The following ZNF83 variants were observed in gnomAD, a reference collection of about 807,000 sequenced individuals.
The protein encoded by ZNF83 is zinc finger protein 816B.
For synonymous variants in ZNF83, 209 were observed against 213.0 expected (o/e 0.98, Z 0.17); for missense variants, 552 against 629.9 (o/e 0.88, Z 1.32).
intron 1 of ZNF83, among the ~76,000 whole-genome samples, chr19:52,676,104 CT>C (rs987334492): frequency 4.9e-4 from 74 of 152,278 alleles, no homozygotes; most frequent in African/African-American, 1.7e-3. Context: ...CCTCAGCCTG[CT>C]GAGTGCCTGC....
chr19:52,687,941 C>T (rs2062075160), intron 1 of ZNF83, among the ~76,000 whole-genome samples: 1 of 151,944 alleles, frequency 6.6e-6, no homozygotes. Context: ...TAACTTCCAA[C>T]TCAATAAGTC....
chr19:52,653,843 C>A (rs4287691), intron 3 of ZNF83, among the ~76,000 whole-genome samples: 40,501 of 152,160 alleles, frequency 0.27, 5,649 homozygotes, highest in Middle Eastern at 0.35. Flanking sequence ...GAATGGGTTA[C>A]ATGATGTCTT....
chr19:52,630,652 C>G (rs954649072), intron 2 of ZNF83, among the ~76,000 whole-genome samples: 8 of 152,074 alleles, frequency 5.3e-5, no homozygotes, highest in Admixed American at 2.6e-4. Context: ...CGTATCCCCC[C>G]ACCTTAACCC....
At chr19:52,680,819 A>T (rs1017880345) in intron 1 of ZNF83, among the ~76,000 whole-genome samples, 1 of 149,744 alleles carries the variant, frequency 6.7e-6, no homozygotes, top group African/African-American at 2.5e-5. Flanking sequence ...TCACCGTGTT[A>T]GCCAGGATGG....
intron 2 of ZNF83, among the ~76,000 whole-genome samples, chr19:52,625,176 C>G (rs1455431435): frequency 6.6e-6 from 1 of 152,120 alleles, no homozygotes; most frequent in East Asian, 1.9e-4. Flanking sequence ...TACCACTCTG[C>G]CCCACTCCCA....
At chr19:52,614,392 C>G (rs566790486) in exon 3 of ZNF83, 1 of 1,613,158 alleles carries the variant, frequency 6.2e-7, no homozygotes, top group South Asian at 1.1e-5. Context: ...AGAAGAAATA[C>G]GTTGGGGTGG....
chr19:52,636,415 A>C (rs627792), intron 1 of ZNF83: 2 of 151,920 alleles, frequency 1.3e-5, no homozygotes, highest in Admixed American at 1.3e-4. Flanking sequence ...AAAAGGGAAC[A>C]GAGTGACTCA....
At chr19:52,678,874 C>T (rs906468872) in intron 1 of ZNF83, among the ~76,000 whole-genome samples, 1 of 151,606 alleles carries the variant, frequency 6.6e-6, no homozygotes, top group African/African-American at 2.4e-5. Flanking sequence ...ACTCAGGAGG[C>T]TGAGGCAGGA....
intron 1 of ZNF83, among the ~76,000 whole-genome samples, chr19:52,637,971 C>G (rs891378498): frequency 1.3e-5 from 2 of 152,154 alleles, no homozygotes; most frequent in African/African-American, 4.8e-5. Flanking sequence ...CAGTGGCCTA[C>G]GAAGGCGAGG....
intron 1 of ZNF83, among the ~76,000 whole-genome samples, chr19:52,687,616 G>GTATATATATA (rs1427281800): frequency 1.3e-4 from 2 of 15,824 alleles, no homozygotes; most frequent in African/African-American, 4.6e-4. Flanking sequence ...TATATAATGT[G>GTATATATATA]TATATATATA....
chr19:52,665,339 G>C (rs1251254662), intron 1 of ZNF83, among the ~76,000 whole-genome samples: 1 of 151,922 alleles, frequency 6.6e-6, no homozygotes, highest in Non-Finnish European at 1.5e-5. Flanking sequence ...TAGCTGAGCT[G>C]GGAAGTCCAG....
chr19:52,677,502 A>ATGAACACT (rs1568580378), intron 1 of ZNF83, among the ~76,000 whole-genome samples: 2 of 151,704 alleles, frequency 1.3e-5, no homozygotes, highest in African/African-American at 4.9e-5. Flanking sequence ...AAAAAAAGAA[A>ATGAACACT]AAGAGATCCA....
intron 1 of ZNF83, among the ~76,000 whole-genome samples, chr19:52,670,124 C>T (rs2061704351): frequency 6.6e-6 from 1 of 151,860 alleles, no homozygotes; most frequent in Non-Finnish European, 1.5e-5. Context: ...ACCTGCTCCA[C>T]CTTGACTCAT....
At chr19:52,642,261 CTTTTTTTTTTTTTTT>C (rs869173970), upstream of ZNF83, among the ~76,000 whole-genome samples, 312 of 47,884 alleles carry the variant, frequency 6.5e-3, 2 homozygotes, top group African/African-American at 0.028. Context: ...AGTATTGTAG[CTTTTTTTTTTTTTTT>C]TTTTTTTTTT....
chr19:52,619,490 G>A (rs915949959), intron 2 of ZNF83, among the ~76,000 whole-genome samples: 1 of 152,122 alleles, frequency 6.6e-6, no homozygotes, highest in Non-Finnish European at 1.5e-5. Flanking sequence ...GCTGGATGTG[G>A]TGGTAGATGC....
intron 1 of ZNF83, among the ~76,000 whole-genome samples, chr19:52,686,511 AAAAG>A (rs1223838464): frequency 1.3e-5 from 2 of 151,180 alleles, no homozygotes; most frequent in Admixed American, 6.6e-5. Context: ...AAGAAAAAAA[AAAAG>A]AAATCTATTA....
chr19:52,662,201 G>T (rs1301740885), intron 1 of ZNF83, among the ~76,000 whole-genome samples: 1 of 152,134 alleles, frequency 6.6e-6, no homozygotes, highest in Non-Finnish European at 1.5e-5. Context: ...ACAAATAATG[G>T]AATTCATTTC....
intron 1 of ZNF83, among the ~76,000 whole-genome samples, chr19:52,664,547 G>A (rs1055473073): frequency 1.3e-5 from 2 of 152,076 alleles, no homozygotes; most frequent in African/African-American, 2.4e-5. Flanking sequence ...CTAGGGGCAG[G>A]GAATCTAAGG....
At chr19:52,641,240 CCA>C (rs1382096750), upstream of ZNF83, among the ~76,000 whole-genome samples, 1 of 152,134 alleles carries the variant, frequency 6.6e-6, no homozygotes, top group Non-Finnish European at 1.5e-5. Flanking sequence ...CACTCATGGT[CCA>C]CAGAGTCCTA....
Sources: gnomAD v4.1 joint callset for allele counts (sites outside exome capture counted in the v4.1 genomes callset) on GRCh38, gnomAD v4.1.1 for gene constraint, MANE v1.5 for transcripts, NCBI Gene and HGNC (gene_info 2026-07-23, HGNC 2026-07-21) for gene names.